The following KCNAB1 variants were observed in gnomAD, a reference collection of about 807,000 sequenced individuals.
The protein encoded by KCNAB1 is voltage-gated potassium channel subunit beta-1.
KCNAB1 carries 35 observed loss-of-function variants against 64.6 expected under a neutral mutation model. The ratio of observed to expected loss-of-function variants is 0.54; its 90% CI spans 0.41 to 0.72. KCNAB1 has a LOEUF of 0.72. KCNAB1 is among the 30% of genes least tolerant of loss of function. KCNAB1 has a pLI of 0.00. For missense variants in KCNAB1, 401 were observed against 512.9 expected, an observed-to-expected ratio of 0.78 and a Z score of 2.11; for synonymous variants, 177 against 183.8, an observed-to-expected ratio of 0.96 and a Z score of 0.30.
At chr3:156,249,048 AATTTTTTT>A in intron 1 of KCNAB1, among the ~76,000 whole-genome samples, 1 of 150,842 alleles carries the variant, frequency 6.6e-6, no homozygotes, top group Non-Finnish European at 1.5e-5. Flanking sequence ...TTAATTTTTT[AATTTTTTT>A]ATTTTTTAGC....
At chr3:156,276,214 A>G (rs544195289) in intron 1 of KCNAB1, among the ~76,000 whole-genome samples, 2 of 152,256 alleles carry the variant, frequency 1.3e-5, no homozygotes, top group East Asian at 1.9e-4. Flanking sequence ...ATTTTGAAAT[A>G]TGTCTTTTTT....
intron 1 of KCNAB1, among the ~76,000 whole-genome samples, chr3:156,172,933 A>G (rs1271407442): frequency 6.6e-6 from 1 of 152,228 alleles, no homozygotes; most frequent in African/African-American, 2.4e-5. Context: ...CTGGATGTAA[A>G]GGTCCTTCTG....
At chr3:156,479,228 C>T (rs1714608928) in intron 8 of KCNAB1, among the ~76,000 whole-genome samples, 2 of 152,160 alleles carry the variant, frequency 1.3e-5, no homozygotes, top group South Asian at 2.1e-4. Context: ...AGTAGAGTCA[C>T]TGACAGTTCT....
At chr3:156,198,059 C>G (rs547118636) in intron 1 of KCNAB1, among the ~76,000 whole-genome samples, 2 of 152,160 alleles carry the variant, frequency 1.3e-5, no homozygotes, top group African/African-American at 4.8e-5. Context: ...AGTAGTCATT[C>G]AGGAGCAGGT....
intron 1 of KCNAB1, among the ~76,000 whole-genome samples, chr3:156,393,455 T>C (rs2108173148): frequency 6.6e-6 from 1 of 152,310 alleles, no homozygotes; most frequent in Non-Finnish European, 1.5e-5. Flanking sequence ...TCACTTCTTC[T>C]GTATACCCTT....
In KCNAB1 at chr3:156,165,742, T is replaced by C. The variant is rs1170198150; in HGVS notation, c.275+44856T>C. Among the ~76,000 whole-genome samples, 4 of 152,238 alleles carry C rather than the reference T, an allele frequency of 2.6e-5. No homozygotes were observed. In the East Asian group the frequency reaches 7.7e-4, roughly 29 times the overall value. ...GTATTTATCTTTAACATTATATCTG[T>C]ATTGCGGCTTTATTCCCTTTTGTTC... is the stretch of plus-strand genomic sequence containing the variant. On this transcript the variant is annotated intron_variant, in intron 1 of 13. Coordinates refer to ENST00000490337, the MANE Select transcript of KCNAB1 (RefSeq NM_172160.3).
chr3:156,454,038 C>T (rs1348066990), intron 3 of KCNAB1, among the ~76,000 whole-genome samples: 1 of 152,208 alleles, frequency 6.6e-6, no homozygotes, highest in East Asian at 1.9e-4. Flanking sequence ...CTCCCCAAAT[C>T]ACCAGTGTTA....
chr3:156,520,854 A>G lies in KCNAB1; in HGVS notation c.961-2973A>G, dbSNP rs574532876. Among the ~76,000 whole-genome samples, 4 of 152,308 alleles carry G rather than the reference A, an allele frequency of 2.6e-5. No homozygotes were observed. The East Asian group carries it at 7.7e-4, about 29-fold the overall frequency. On this transcript the variant is annotated intron_variant, in intron 11 of 13. Transcript: ENST00000490337. ...AATAGTCAACGATCTTGGTTGTTAA[A>G]TTATTCTAGACAGTGTTCAGAACTG...
chr3:156,515,087 C>G lies in KCNAB1; in HGVS notation c.745-13C>G, dbSNP rs1449812568. ...ATCAGTATAAATTTGGTTGTAATCT[C>G]ATTCCTCCCTAGGAAGCCTATTCTG... On this transcript the variant is annotated splice_polypyrimidine_tract_variant and intron_variant, in intron 9 of 13. Coordinates refer to ENST00000490337, the MANE Select transcript of KCNAB1 (RefSeq NM_172160.3). 6.3e-7 allele frequency: 1 copy of G among 1,591,840 alleles called. No homozygotes were observed. The highest frequency in any genetic ancestry group is 8.5e-7 in the Non-Finnish European group (1 of 1,171,958).
chr3:156,522,382 C>T (rs1384607391), intron 11 of KCNAB1, among the ~76,000 whole-genome samples: 1 of 152,104 alleles, frequency 6.6e-6, no homozygotes, highest in Non-Finnish European at 1.5e-5. Flanking sequence ...CCCAGGAAGT[C>T]TGCCCCGGCC....
At chr3:156,432,997 G>A (rs971666240) in intron 2 of KCNAB1, among the ~76,000 whole-genome samples, 3 of 152,142 alleles carry the variant, frequency 2.0e-5, no homozygotes, top group Non-Finnish European at 2.9e-5. Context: ...TGTTGCCTGC[G>A]TCTCAGTTTG....
At chr3:156,212,484 G>A (rs1321090057) in intron 1 of KCNAB1, among the ~76,000 whole-genome samples, 1 of 152,202 alleles carries the variant, frequency 6.6e-6, no homozygotes, top group Non-Finnish European at 1.5e-5. Flanking sequence ...AGGCTTTAGA[G>A]ATAGCTACAA....
intron 1 of KCNAB1, among the ~76,000 whole-genome samples, chr3:156,157,847 T>G (rs1297983515): frequency 1.3e-5 from 2 of 152,102 alleles, no homozygotes; most frequent in East Asian, 3.9e-4. Context: ...AGGTGGATTA[T>G]TTTTTTTCCT....
chr3:156,202,542 G>A (rs1714404343), intron 1 of KCNAB1, among the ~76,000 whole-genome samples: 1 of 152,156 alleles, frequency 6.6e-6, no homozygotes, highest in Non-Finnish European at 1.5e-5. Context: ...CCATCTTGGA[G>A]CAGGAATCCC....
intron 1 of KCNAB1, among the ~76,000 whole-genome samples, chr3:156,309,579 A>G (rs115976535): frequency 0.014 from 2,150 of 152,376 alleles, 20 homozygotes; most frequent in South Asian, 0.032. Context: ...GACAAAATTT[A>G]CCTGCTTAAT....
At chr3:156,531,318 T>C in intron 12 of KCNAB1, 91 bp from the exon 13 acceptor site, 1 of 923,844 alleles carries the variant, frequency 1.1e-6, no homozygotes, top group Admixed American at 1.7e-5. Context: ...TAATAAATTT[T>C]GGCTGCAACA....
At chr3:156,360,666 A>G (rs1725545091) in intron 1 of KCNAB1, among the ~76,000 whole-genome samples, 1 of 151,856 alleles carries the variant, frequency 6.6e-6, no homozygotes, top group South Asian at 2.1e-4. Context: ...AGTAAGCTAC[A>G]GTTGTTCCAT....
chr3:156,434,148 C>T (rs1716424317), intron 2 of KCNAB1, among the ~76,000 whole-genome samples: 1 of 152,136 alleles, frequency 6.6e-6, no homozygotes, highest in Non-Finnish European at 1.5e-5. Flanking sequence ...AGCACTGAAG[C>T]CATGTCACAA....
Position 156,462,933 on chromosome 3 carries a change from T to C in KCNAB1, c.483-769T>C, listed in dbSNP as rs956743166. On this transcript the variant is annotated intron_variant, in intron 5 of 13. Coordinates refer to ENST00000490337, the MANE Select transcript of KCNAB1 (RefSeq NM_172160.3). Reference sequence around the variant, plus strand: ...AATGCTAGGATTGCATTTCCTGCCCTTGGTTGTGGCTTTCAGAAGGTAATA... The same window carrying C: ...AATGCTAGGATTGCATTTCCTGCCCCTGGTTGTGGCTTTCAGAAGGTAATA... 2.6e-5 allele frequency among the ~76,000 whole-genome samples: 4 copies of C among 152,320 alleles called. No individual in the cohort carries two copies. The South Asian group carries it at 8.3e-4, about 32-fold the overall frequency.
Sources: allele counts gnomAD v4.1 joint callset (sites outside exome capture counted in the v4.1 genomes callset), GRCh38; gene constraint gnomAD v4.1.1; transcripts MANE v1.5; gene names NCBI Gene and HGNC (gene_info 2026-07-23, HGNC 2026-07-21).